TRPC5: variants seen among roughly 807,000 people sequenced by gnomAD.
The protein encoded by TRPC5 is short transient receptor potential channel 5.
Under a neutral mutation model 56.5 loss-of-function variants are expected in TRPC5, and 9 were observed. That is an observed-to-expected ratio of 0.16 (90% confidence interval 0.10 to 0.28). The LOEUF (loss-of-function observed/expected upper bound fraction) is 0.28. Among genes scored for constraint, TRPC5 ranks in the 10% least tolerant of loss-of-function variants. The pLI is 1.00. For missense variants in TRPC5, 469 were observed against 748.9 expected (o/e 0.63, Z 4.36); for synonymous variants, 282 against 278.5 (o/e 1.01, Z -0.13).
intron 1 of TRPC5, among the ~76,000 whole-genome samples, chrX:111,964,142 G>C (rs901958584): frequency 8.9e-6 from 1 of 112,204 alleles, no homozygotes; most frequent in Non-Finnish European, 1.9e-5. Context: ...AGCTGATGGA[G>C]CTGAAAGCCA....
chrX:111,809,055 C>T (rs1921615035), intron 7 of TRPC5, among the ~76,000 whole-genome samples: 1 of 109,636 alleles, frequency 9.1e-6, no homozygotes, highest in South Asian at 4.0e-4. Flanking sequence ...TTTCTTCCCT[C>T]TCTGCTCCTC....
intron 7 of TRPC5, among the ~76,000 whole-genome samples, chrX:111,803,236 G>A (rs1921379828): frequency 8.9e-6 from 1 of 112,276 alleles, no homozygotes; most frequent in Admixed American, 9.4e-5. Flanking sequence ...TGGTGTATAT[G>A]TGCCACATTT....
chrX:112,003,359 C>G (rs1200647662), intron 1 of TRPC5, among the ~76,000 whole-genome samples: 1 of 110,732 alleles, frequency 9.0e-6, no homozygotes, highest in East Asian at 2.9e-4. Context: ...TTTGAAGGGT[C>G]AGTAGGAGTT....
In TRPC5 at chrX:112,023,234, GTTTTTTTTTTTGTTTTTT is replaced by G. The variant is rs1308085911; in HGVS notation, c.-22+58627_-22+58644del. Among the ~76,000 whole-genome samples, 194 of 45,954 alleles carry G rather than the reference GTTTTTTTTTTTGTTTTTT, an allele frequency of 4.2e-3. 2 individuals are homozygous for G. Among genetic ancestry groups the G allele is most frequent in the African/African-American group, 0.015 (187 of 12,455 alleles). 39.9% of individuals were successfully genotyped at this position (45,954 alleles called of 115,157 possible). On this transcript the variant is annotated intron_variant, in intron 1 of 10. Transcript: ENST00000262839. ...CAGGCGTGAGCCACTGCGCCCAGCAGTTTTTTTTTTTGTTTTTTTTTTTTTTTTTTTTTTTTTTTTTAC... is the reference window on the plus strand; with the variant it reads ...CAGGCGTGAGCCACTGCGCCCAGCAGTTTTTTTTTTTTTTTTTTTTTTTAC...
At chrX:112,023,234 GTTTTTTTTTTTGTT>G (rs1277378936) in intron 1 of TRPC5, among the ~76,000 whole-genome samples, 1 of 45,960 alleles carries the variant, frequency 2.2e-5, no homozygotes, top group African/African-American at 8.0e-5. Flanking sequence ...GCGCCCAGCA[GTTTTTTTTTTTGTT>G]TTTTTTTTTT....
chrX:112,074,317 T>TATA (rs773308138), intron 1 of TRPC5, among the ~76,000 whole-genome samples: 2,967 of 106,463 alleles, frequency 0.028, 111 homozygotes, highest in African/African-American at 0.095. Flanking sequence ...ATATATATAT[T>TATA]TTTTATTGGG....
chrX:111,922,699 G>T (rs1182598674), intron 2 of TRPC5, among the ~76,000 whole-genome samples: 1 of 111,985 alleles, frequency 8.9e-6, no homozygotes, highest in African/African-American at 3.3e-5. Context: ...GTTAGGATTT[G>T]CTGGATGATC....
chrX:112,075,185 G>T (rs1002444012), intron 1 of TRPC5, among the ~76,000 whole-genome samples: 1 of 112,133 alleles, frequency 8.9e-6, no homozygotes, highest in Admixed American at 9.4e-5. Flanking sequence ...TTTTCTGTTC[G>T]TTCTTGAGGT....
intron 7 of TRPC5, among the ~76,000 whole-genome samples, chrX:111,818,604 CT>C (rs755881697): frequency 0.011 from 1,034 of 93,580 alleles, 11 homozygotes; most frequent in Middle Eastern, 0.021. Context: ...TTCTTTTTCT[CT>C]TTTTTTTTTT....
In TRPC5 at chrX:111,952,452, A is replaced by G. The variant is rs1267002200; in HGVS notation, c.-21-11T>C. 1.2e-5 allele frequency: 14 copies of G among 1,173,426 alleles called. No individual in the cohort carries two copies. The highest frequency in any genetic ancestry group is 1.8e-5 in the African/African-American group (1 of 56,649). ...TAGCAATGCAGAAATCTGAGTGAGG[A>G]AACAGAGAAAGACCAAAATATCCTT... On this transcript the variant is annotated splice_polypyrimidine_tract_variant and intron_variant, in intron 1 of 10. Transcript: ENST00000262839.
chrX:111,944,909 G>C (rs1164879296), intron 2 of TRPC5, among the ~76,000 whole-genome samples: 1 of 111,174 alleles, frequency 9.0e-6, no homozygotes, highest in East Asian at 2.9e-4. Context: ...TGACCTGTGA[G>C]AGAAGACATT....
At chrX:111,852,573 C>T (rs1388003597) in intron 4 of TRPC5, 136 bp from the exon 5 acceptor site, 2 of 702,508 alleles carry the variant, frequency 2.8e-6, no homozygotes, top group African/African-American at 4.5e-5. Context: ...CCTTGAGAGA[C>T]AATAATCACT....
intron 1 of TRPC5, among the ~76,000 whole-genome samples, chrX:112,003,278 T>TTCTA (rs776915492): frequency 8.8e-4 from 98 of 111,430 alleles, no homozygotes; most frequent in Non-Finnish European, 1.7e-3. Flanking sequence ...AGGAATACAG[T>TTCTA]TCTAAGGAGG....
intron 3 of TRPC5, among the ~76,000 whole-genome samples, chrX:111,866,996 C>T (rs1315129340): frequency 8.9e-6 from 1 of 111,919 alleles, no homozygotes; most frequent in South Asian, 3.7e-4. Context: ...AGAGGGTCAT[C>T]GCAAGAGAGA....
At chrX:111,805,151 A>C (rs1291601049) in intron 7 of TRPC5, among the ~76,000 whole-genome samples, 3 of 111,930 alleles carry the variant, frequency 2.7e-5, no homozygotes, top group Non-Finnish European at 3.8e-5. Flanking sequence ...GATGGATTAC[A>C]TTTATTGATT....
intron 3 of TRPC5, among the ~76,000 whole-genome samples, chrX:111,885,051 C>A (rs1483779860): frequency 1.8e-5 from 2 of 112,945 alleles, no homozygotes; most frequent in Non-Finnish European, 3.7e-5. Context: ...AAGGCAAATG[C>A]AGGCCTTAAG....
chrX:112,048,168 G>A (rs1930107543), intron 1 of TRPC5, among the ~76,000 whole-genome samples: 1 of 111,886 alleles, frequency 8.9e-6, no homozygotes, highest in Admixed American at 9.5e-5. Context: ...GAGTGGTTTT[G>A]CATTCACTAA....
chrX:111,842,879 G>T (rs749816979), intron 6 of TRPC5, among the ~76,000 whole-genome samples: 35 of 111,628 alleles, frequency 3.1e-4, no homozygotes, highest in Non-Finnish European at 4.7e-4. Context: ...CATCCTGGGG[G>T]GGCAGGGTGG....
intron 1 of TRPC5, among the ~76,000 whole-genome samples, chrX:111,964,819 A>G (rs899569213): frequency 8.9e-6 from 1 of 111,814 alleles, no homozygotes; most frequent in Admixed American, 9.5e-5. Flanking sequence ...GAGCTCCTGA[A>G]GGAAGCACTA....
Sources: allele counts gnomAD v4.1 joint callset (sites outside exome capture counted in the v4.1 genomes callset), GRCh38; gene constraint gnomAD v4.1.1; transcripts MANE v1.5; gene names NCBI Gene and HGNC (gene_info 2026-07-23, HGNC 2026-07-21).